EDDM3A: variants seen among roughly 807,000 people sequenced by gnomAD.
EDDM3A encodes the protein epididymal secretory protein E3-alpha.
For synonymous variants in EDDM3A, 75 were observed against 60.4 expected (o/e 1.24, Z -1.12); for missense variants, 199 against 177.4 (o/e 1.12, Z -0.69).
upstream of EDDM3A, among the ~76,000 whole-genome samples, chr14:20,741,203 A>G (rs751478456): frequency 7.9e-5 from 12 of 152,224 alleles, no homozygotes; most frequent in African/African-American, 1.2e-4. Flanking sequence ...CATAAGCCCA[A>G]TGAAAGCCCT....
chr14:20,737,959 C>T, the EDDM3A span, among the ~76,000 whole-genome samples: 1 of 152,192 alleles, frequency 6.6e-6, no homozygotes, highest in East Asian at 1.9e-4. Context: ...TGGCTCTGGC[C>T]TTGAAACAAT....
upstream of EDDM3A, among the ~76,000 whole-genome samples, chr14:20,741,836 C>A (rs1877442582): frequency 6.6e-6 from 1 of 152,058 alleles, no homozygotes; most frequent in African/African-American, 2.4e-5. Flanking sequence ...CAACTTTTAG[C>A]CTTTCTAGTA....
chr14:20,747,737 C>T lies in EDDM3A; in HGVS notation c.157C>T (p.Leu53Phe). 1 of 1,614,082 alleles carries T rather than the reference C, an allele frequency of 6.2e-7. No individual in the cohort carries two copies. Among genetic ancestry groups the T allele is most frequent in the Non-Finnish European group, 8.5e-7 (1 of 1,179,998 alleles). The change falls in exon 2 of 2, where the codon CTC becomes TTC. Residue 53 changes from leucine to phenylalanine, a missense_variant. Transcript: ENST00000326842. ...ATTCAAAGAGTACAAATGTGATGTCCTCATGAGAGAAAAAGAGGCTCTGAA... is the reference window on the plus strand; with the variant it reads ...ATTCAAAGAGTACAAATGTGATGTCTTCATGAGAGAAAAAGAGGCTCTGAA... ...REFKEYKCDVLMREKEALKGK... is the reference protein window; with the variant it reads ...REFKEYKCDVFMREKEALKGK...
the EDDM3A span, among the ~76,000 whole-genome samples, chr14:20,736,407 G>A: frequency 4.6e-5 from 7 of 152,070 alleles, no homozygotes; most frequent in East Asian, 5.8e-4. Context: ...ACCACGCTCC[G>A]CCCATCATCA....
chr14:20,747,463 C>T (rs983170738), intron 1 of EDDM3A, 92 bp from the exon 2 acceptor site: 4 of 738,344 alleles, frequency 5.4e-6, no homozygotes, highest in Non-Finnish European at 8.9e-6. Context: ...ATATAGTGCC[C>T]AAGTACCTGC....
chr14:20,747,929 A>T lies in EDDM3A; in HGVS notation c.349A>T (p.Ser117Cys), dbSNP rs1877656060. ...WEKYNNRYTE[S>C]RSFSYIEFHC... Reference sequence around the variant, plus strand: ...GAAGTACAACAATAGGTACACAGAGAGCAGAAGCTTCAGCTACATTGAATT... The same window carrying T: ...GAAGTACAACAATAGGTACACAGAGTGCAGAAGCTTCAGCTACATTGAATT... Residue 117 changes from serine to cysteine, a missense_variant, in exon 2 of 2, where the codon AGC becomes TGC. Coordinates refer to ENST00000326842, the MANE Select transcript of EDDM3A (RefSeq NM_006683.5). 1.2e-6 allele frequency: 2 copies of T among 1,614,036 alleles called. No individual in the cohort carries two copies. Among genetic ancestry groups the T allele is most frequent in the South Asian group, 2.2e-5 (2 of 91,088 alleles).
upstream of EDDM3A, among the ~76,000 whole-genome samples, chr14:20,741,463 C>T (rs779279632): frequency 6.6e-6 from 1 of 152,132 alleles, no homozygotes; most frequent in Non-Finnish European, 1.5e-5. Flanking sequence ...AGCAAGCCAC[C>T]TTGCTAGCAG....
chr14:20,747,490 T>G, intron 1 of EDDM3A, 65 bp from the exon 2 acceptor site: 1 of 1,049,006 alleles, frequency 9.5e-7, no homozygotes, highest in Non-Finnish European at 1.4e-6. Flanking sequence ...GGGAAAGGAA[T>G]TTTAAGGTGG....
intron 1 of EDDM3A, among the ~76,000 whole-genome samples, chr14:20,747,188 CCG>C (rs369664006): frequency 3.3e-4 from 49 of 150,420 alleles, no homozygotes; most frequent in Middle Eastern, 3.5e-3. Context: ...ACCGCAACCT[CCG>C]CCTCCCAGGT....
chr14:20,747,869 C>T lies in EDDM3A; in HGVS notation c.289C>T (p.Pro97Ser). 6.2e-7 allele frequency: 1 copy of T among 1,614,012 alleles called. No individual in the cohort carries two copies. The highest frequency in any genetic ancestry group is 2.2e-5 in the East Asian group (1 of 44,888). ...ATATAGAAATGCATATGTATGGGCC[C>T]CAGGTGCCCTCAAAGTACTCGAGTG... ...DRYRNAYVWA[P>S]GALKVLECHW... is the part of the protein sequence containing the mutation. The change falls in exon 2 of 2, where the codon CCA (proline) becomes TCA (serine). Residue 97 changes from proline to serine, a missense_variant. Transcript: ENST00000326842.
At chr14:20,740,534 C>T in the EDDM3A span, among the ~76,000 whole-genome samples, 1 of 152,210 alleles carries the variant, frequency 6.6e-6, no homozygotes, top group African/African-American at 2.4e-5. Flanking sequence ...GTCCTGTTGT[C>T]CCTCCTTCAC....
At chr14:20,736,337 C>T in the EDDM3A span, among the ~76,000 whole-genome samples, 1 of 152,056 alleles carries the variant, frequency 6.6e-6, no homozygotes, top group Admixed American at 6.5e-5. Context: ...CTCAGACTCC[C>T]GACCTCGGGT....
At chr14:20,737,033 T>TTTC in the EDDM3A span, among the ~76,000 whole-genome samples, 1 of 143,878 alleles carries the variant, frequency 7.0e-6, no homozygotes, top group African/African-American at 2.7e-5. Flanking sequence ...GACTTCTTTC[T>TTTC]TTTCTTTTCT....
At chr14:20,745,479 T>C (rs1877555360), upstream of EDDM3A, among the ~76,000 whole-genome samples, 1 of 150,286 alleles carries the variant, frequency 6.7e-6, no homozygotes, top group African/African-American at 2.5e-5. Flanking sequence ...TGAGCCGAGA[T>C]CTCGCCACTG....
chr14:20,739,233 G>A, the EDDM3A span, among the ~76,000 whole-genome samples: 1 of 152,164 alleles, frequency 6.6e-6, no homozygotes, highest in Non-Finnish European at 1.5e-5. Context: ...CAGTATAGGA[G>A]GAAAGTGCAT....
At chr14:20,746,389 C>T (rs1313649867) in intron 1 of EDDM3A, among the ~76,000 whole-genome samples, 1 of 152,162 alleles carries the variant, frequency 6.6e-6, no homozygotes, top group Non-Finnish European at 1.5e-5. Context: ...GACACCGATA[C>T]TCAGAGCTAT....
At chr14:20,741,121 C>T (rs1011056459), upstream of EDDM3A, among the ~76,000 whole-genome samples, 9 of 152,114 alleles carry the variant, frequency 5.9e-5, no homozygotes, top group Admixed American at 5.2e-4. Flanking sequence ...CCTACCTGGA[C>T]CAATGTTCAA....
chr14:20,743,537 A>C (rs1877499093), upstream of EDDM3A, among the ~76,000 whole-genome samples: 1 of 144,554 alleles, frequency 6.9e-6, no homozygotes, highest in Non-Finnish European at 1.5e-5. Context: ...ACTCCATTCC[A>C]AAAATAATAA....
upstream of EDDM3A, among the ~76,000 whole-genome samples, chr14:20,742,148 A>T (rs997807382): frequency 2.6e-5 from 4 of 152,200 alleles, no homozygotes; most frequent in Non-Finnish European, 5.9e-5. Context: ...TTGTTGCAGC[A>T]ACTGGCTCAG....
Sources: allele counts gnomAD v4.1 joint callset (sites outside exome capture counted in the v4.1 genomes callset), GRCh38; gene constraint gnomAD v4.1.1; transcripts MANE v1.5; gene names NCBI Gene and HGNC (gene_info 2026-07-23, HGNC 2026-07-21).